DGKD: variants seen among roughly 807,000 people sequenced by gnomAD.
DGKD encodes diacylglycerol kinase delta.
A neutral mutation model predicts 154.4 loss-of-function variants in DGKD; 68 were observed. The observed-to-expected ratio is 0.44, with a 90% confidence interval of 0.36 to 0.54. DGKD has a LOEUF of 0.54. Ranked by LOEUF, DGKD falls within the 20% of genes least tolerant of loss-of-function variation. DGKD has a pLI of 0.00. For missense variants in DGKD, 1,343 were observed against 1,593.6 expected (o/e 0.84, Z 2.68); for synonymous variants, 693 against 638.0 (o/e 1.09, Z -1.30).
chr2:233,424,918 C>T (rs1290641913), intron 3 of DGKD, among the ~76,000 whole-genome samples: 1 of 152,192 alleles, frequency 6.6e-6, no homozygotes, highest in Non-Finnish European at 1.5e-5. Flanking sequence ...GAAATCACGT[C>T]TGCATGTCTC....
intron 3 of DGKD, among the ~76,000 whole-genome samples, chr2:233,391,413 C>T (rs1216384407): frequency 2.0e-5 from 3 of 151,570 alleles, no homozygotes; most frequent in Admixed American, 2.0e-4. Context: ...TGTTTTTTTC[C>T]CCCCCCAGGA....
intron 5 of DGKD, 66 bp from the exon 6 acceptor site, chr2:233,435,752 C>T: frequency 1.3e-6 from 2 of 1,488,514 alleles, no homozygotes; most frequent in South Asian, 1.2e-5. Flanking sequence ...TCTCACAACA[C>T]TGCTCAGCAT....
In DGKD at chr2:233,464,244, C is replaced by T; in HGVS notation, c.3267C>T (p.Thr1089=). ...MDRQLRRLAD[T]PWLCQSAEPG... The stretch of plus-strand genomic sequence containing the variant: ...GACAGCTCAGGAGGCTGGCAGACAC[C>T]CCGTGGCTCTGCCAGTCCGCAGAGC... Residue 1089 remains threonine, a synonymous_variant, in exon 27 of 30, where the codon ACC becomes ACT. Coordinates refer to ENST00000264057, the MANE Select transcript of DGKD (RefSeq NM_152879.3). The T allele has an allele frequency of 6.2e-7, 1 of 1,613,598 alleles. No individual in the cohort carries two copies. The highest frequency in any genetic ancestry group is 8.5e-7 in the Non-Finnish European group (1 of 1,180,036).
chr2:233,362,749 C>T (rs1187580517), intron 1 of DGKD, among the ~76,000 whole-genome samples: 1 of 152,254 alleles, frequency 6.6e-6, no homozygotes, highest in Non-Finnish European at 1.5e-5. Context: ...ACTGAAAGAA[C>T]CATATCTAAT....
intron 1 of DGKD, among the ~76,000 whole-genome samples, chr2:233,387,523 G>A (rs1011877870): frequency 6.6e-6 from 1 of 152,226 alleles, no homozygotes; most frequent in African/African-American, 2.4e-5. Context: ...GGCATGGGCT[G>A]CGTAAGGCGG....
At chr2:233,388,683 T>TATGA (rs1311136489) in intron 2 of DGKD, 1 of 210,134 alleles carries the variant, frequency 4.8e-6, no homozygotes, top group African/African-American at 2.3e-5. Flanking sequence ...ATCACGGGGC[T>TATGA]ATGAATTTCA....
In DGKD at chr2:233,407,468, G is replaced by A. The variant is rs572400172; in HGVS notation, c.348+16985G>A. On this transcript the variant is annotated intron_variant, in intron 3 of 29. Transcript: ENST00000264057. Reference sequence around the variant, plus strand: ...GCTATGTAATGGATCAGAGTATTGCGTTTAAATCTTGTCATGGCAGAGCAC... The same window carrying A: ...GCTATGTAATGGATCAGAGTATTGCATTTAAATCTTGTCATGGCAGAGCAC... Among the ~76,000 whole-genome samples, 9 of 152,278 alleles carry A rather than the reference G, an allele frequency of 5.9e-5. 1 individual carries two copies. The South Asian group carries it at 1.0e-3, about 18-fold the overall frequency.
intron 3 of DGKD, among the ~76,000 whole-genome samples, chr2:233,400,132 C>T (rs562898312): frequency 2.0e-5 from 3 of 152,264 alleles, no homozygotes; most frequent in African/African-American, 4.8e-5. Context: ...AGAAATGTCC[C>T]CTTTGAGACT....
chr2:233,418,356 GCC>G (rs1185638861), intron 3 of DGKD, among the ~76,000 whole-genome samples: 1 of 152,010 alleles, frequency 6.6e-6, no homozygotes, highest in African/African-American at 2.4e-5. Context: ...CCTGCCAGAG[GCC>G]CCCCCGCCAA....
intron 3 of DGKD, among the ~76,000 whole-genome samples, chr2:233,433,104 G>A (rs1277821939): frequency 6.6e-6 from 1 of 152,208 alleles, no homozygotes; most frequent in African/African-American, 2.4e-5. Flanking sequence ...ATACCAAAGA[G>A]AAAGGAAATC....
chr2:233,422,990 T>C (rs2062168780), intron 3 of DGKD, among the ~76,000 whole-genome samples: 1 of 152,240 alleles, frequency 6.6e-6, no homozygotes, highest in Non-Finnish European at 1.5e-5. Flanking sequence ...CTTTTCAAGA[T>C]GTGATATAAA....
intron 1 of DGKD, among the ~76,000 whole-genome samples, chr2:233,359,873 C>A (rs891985563): frequency 1.3e-5 from 2 of 152,050 alleles, no homozygotes; most frequent in Non-Finnish European, 2.9e-5. Flanking sequence ...GGGACGGGTG[C>A]TGATGAGGAG....
chr2:233,420,304 C>A (rs914997605), intron 3 of DGKD, among the ~76,000 whole-genome samples: 6 of 151,964 alleles, frequency 3.9e-5, no homozygotes, highest in African/African-American at 1.2e-4. Flanking sequence ...TTGTGTGTGT[C>A]TCTAGTTCTG....
At chr2:233,437,970 G>A (rs1432790240) in intron 8 of DGKD, among the ~76,000 whole-genome samples, 1 of 152,212 alleles carries the variant, frequency 6.6e-6, no homozygotes, top group Non-Finnish European at 1.5e-5. Context: ...AGGAGATCAA[G>A]AAGAGAAGAC....
chr2:233,396,980 GCAGAGCGAGAGGACTCCAGAGGGGACCA>G, intron 3 of DGKD, among the ~76,000 whole-genome samples: 1 of 84,866 alleles, frequency 1.2e-5, no homozygotes, highest in Non-Finnish European at 2.5e-5. Context: ...GCTGGGGGGG[GCAGAGCGAGAGGACTCCAGAGGGGACCA>G]GGGTGGCTGG....
chr2:233,414,859 G>A (rs6732036), intron 3 of DGKD, among the ~76,000 whole-genome samples: 1,927 of 152,262 alleles, frequency 0.013, 32 homozygotes, highest in African/African-American at 0.044. Context: ...AGTGAGCAGT[G>A]AACCATTTTT....
At chr2:233,463,678 C>A (rs1434881865) in intron 26 of DGKD, 3 of 196,660 alleles carry the variant, frequency 1.5e-5, no homozygotes, top group Non-Finnish European at 3.2e-5. Context: ...CTCCTCACTC[C>A]ACGCATCACC....
intron 3 of DGKD, among the ~76,000 whole-genome samples, chr2:233,411,406 C>T (rs2061827996): frequency 6.6e-6 from 1 of 152,092 alleles, no homozygotes; most frequent in Non-Finnish European, 1.5e-5. Flanking sequence ...GTAGTGTTAC[C>T]CCATTGTGGC....
In DGKD at chr2:233,435,802, G is replaced by A. The variant is rs774348018; in HGVS notation, c.587-16G>A. On this transcript the variant is annotated splice_polypyrimidine_tract_variant and intron_variant, in intron 5 of 29. Coordinates refer to ENST00000264057, the MANE Select transcript of DGKD (RefSeq NM_152879.3). ...ACAGACACAGCTTGTAGGCTCATGTGCCCCTTCTCTCACAGTGTGCAAATT... is the reference window on the plus strand; with the variant it reads ...ACAGACACAGCTTGTAGGCTCATGTACCCCTTCTCTCACAGTGTGCAAATT... The A allele has an allele frequency of 6.2e-7, 1 of 1,608,398 alleles. No individual in the cohort carries two copies. The highest frequency in any genetic ancestry group is 1.1e-5 in the South Asian group (1 of 90,400).
Sources: gnomAD v4.1 joint callset for allele counts (sites outside exome capture counted in the v4.1 genomes callset) on GRCh38, gnomAD v4.1.1 for gene constraint, MANE v1.5 for transcripts, NCBI Gene and HGNC (gene_info 2026-07-23, HGNC 2026-07-21) for gene names.